The following PTK2 variants were observed in gnomAD, a reference collection of about 807,000 sequenced individuals.
PTK2 encodes focal adhesion kinase 1.
In PTK2, 45 loss-of-function variants were observed where a neutral mutation model predicts 150.1. The observed-to-expected ratio is 0.30, with a 90% CI of 0.24 to 0.38. PTK2 has a LOEUF of 0.38. PTK2 is among the 10% of genes least tolerant of loss of function. PTK2 has a pLI of 1.00. For synonymous variants in PTK2, 432 were observed against 449.2 expected, an observed-to-expected ratio of 0.96 and a Z score of 0.48; for missense variants, 919 against 1,307.3, an observed-to-expected ratio of 0.70 and a Z score of 4.58.
At chr8:140,763,162 C>T (rs554146054) in intron 15 of PTK2, among the ~76,000 whole-genome samples, 73 of 152,304 alleles carry the variant, frequency 4.8e-4, no homozygotes, top group African/African-American at 1.6e-3. Context: ...TGGCCTCTTT[C>T]GAGTAACTCT....
At chr8:140,902,872 T>G (rs2100159081) in intron 2 of PTK2, among the ~76,000 whole-genome samples, 1 of 145,064 alleles carries the variant, frequency 6.9e-6, no homozygotes, top group Non-Finnish European at 1.5e-5. Context: ...ATAGACAGAT[T>G]ACAAAAATTT....
intron 27 of PTK2, among the ~76,000 whole-genome samples, chr8:140,676,407 TTAATTA>T (rs372262728): frequency 0.12 from 4,949 of 41,536 alleles, 262 homozygotes; most frequent in African/African-American, 0.31. Context: ...AATTAATTAA[TTAATTA>T]ATATATATAT....
intron 13 of PTK2, among the ~76,000 whole-genome samples, chr8:140,790,939 G>A (rs185460619): frequency 6.6e-6 from 1 of 152,180 alleles, no homozygotes; most frequent in Non-Finnish European, 1.5e-5. Flanking sequence ...GTTTTCCCTT[G>A]TCTGCGCCAC....
chr8:140,802,974 G>C (rs983068378), intron 11 of PTK2, among the ~76,000 whole-genome samples: 1 of 139,880 alleles, frequency 7.1e-6, no homozygotes, highest in African/African-American at 2.6e-5. Flanking sequence ...ATAATTCCAA[G>C]AAGTTAATTT....
chr8:140,682,288 A>G (rs1448374565), intron 27 of PTK2, among the ~76,000 whole-genome samples: 2 of 152,180 alleles, frequency 1.3e-5, no homozygotes, highest in African/African-American at 4.8e-5. Flanking sequence ...AGGCTGAGGC[A>G]CAAGAATCGC....
chr8:140,848,678 T>G (rs1293914717), intron 5 of PTK2, among the ~76,000 whole-genome samples: 1 of 152,204 alleles, frequency 6.6e-6, no homozygotes, highest in East Asian at 1.9e-4. Context: ...GAAGCTCTTG[T>G]TTCTACAAAA....
chr8:140,866,020 T>G (rs2100139051), intron 4 of PTK2, among the ~76,000 whole-genome samples: 1 of 152,134 alleles, frequency 6.6e-6, no homozygotes, highest in Non-Finnish European at 1.5e-5. Flanking sequence ...CCTGAGTCAG[T>G]TCAACAAATC....
At chr8:140,659,663 T>C (rs1194653703) in exon 32 of PTK2, 1 of 1,613,914 alleles carries the variant, frequency 6.2e-7, no homozygotes, top group Non-Finnish European at 8.5e-7. Flanking sequence ...TTCAATAGCT[T>C]CTGTGCCATC....
chr8:140,721,872 T>G (rs559432059), intron 22 of PTK2: 4 of 152,372 alleles, frequency 2.6e-5, no homozygotes, highest in Admixed American at 6.5e-5. Context: ...ACTCTCCTTA[T>G]TCTCTTCCAA....
At chr8:140,898,416 A>G (rs2154607634) in intron 2 of PTK2, among the ~76,000 whole-genome samples, 1 of 152,330 alleles carries the variant, frequency 6.6e-6, no homozygotes, top group African/African-American at 2.4e-5. Context: ...TGTGGACTGG[A>G]ATGGGAGAGA....
intron 1 of PTK2, among the ~76,000 whole-genome samples, chr8:140,959,961 G>A (rs1219403269): frequency 6.6e-6 from 1 of 151,210 alleles, no homozygotes; most frequent in Non-Finnish European, 1.5e-5. Context: ...AGGCTGCAAT[G>A]AGCCTGGTCA....
chr8:140,671,983 T>C (rs538098460), intron 29 of PTK2, among the ~76,000 whole-genome samples: 68 of 151,960 alleles, frequency 4.5e-4, no homozygotes, highest in African/African-American at 1.6e-3. Context: ...GTACACATAT[T>C]ATTTTCAAGA....
intron 26 of PTK2, among the ~76,000 whole-genome samples, chr8:140,699,533 T>A (rs2100028940): frequency 6.6e-6 from 1 of 152,326 alleles, no homozygotes; most frequent in East Asian, 1.9e-4. Context: ...ACATTTCCCA[T>A]GCATATGTCC....
intron 2 of PTK2, among the ~76,000 whole-genome samples, chr8:140,916,260 G>A (rs1054090634): frequency 5.3e-5 from 8 of 152,242 alleles, no homozygotes; most frequent in South Asian, 2.1e-4. Context: ...AGGATAGATC[G>A]GCAAACTGTG....
At chr8:140,962,840 T>C (rs773469909) in intron 1 of PTK2, among the ~76,000 whole-genome samples, 7 of 151,100 alleles carry the variant, frequency 4.6e-5, no homozygotes, top group East Asian at 1.9e-4. Context: ...TCCTCACTCA[T>C]GGCAATCCTA....
intron 6 of PTK2, 69 bp downstream of exon 6, chr8:140,846,530 C>T (rs2100125575): frequency 7.5e-7 from 1 of 1,326,606 alleles, no homozygotes; most frequent in Non-Finnish European, 1.1e-6. Context: ...AAGGAAAATA[C>T]CTGGAAAATA....
chr8:140,881,591 T>C (rs1177456167), intron 3 of PTK2, among the ~76,000 whole-genome samples: 1 of 152,252 alleles, frequency 6.6e-6, no homozygotes, highest in Non-Finnish European at 1.5e-5. Context: ...CAGTGGTCTC[T>C]AGCCATCTGC....
chr8:140,672,033 C>A, intron 29 of PTK2: 1 of 378,366 alleles, frequency 2.6e-6, no homozygotes, highest in Non-Finnish European at 5.2e-6. Context: ...TGTATGTATT[C>A]ATTATGTTAT....
intron 26 of PTK2, among the ~76,000 whole-genome samples, chr8:140,692,317 C>A (rs1171095939): frequency 6.6e-6 from 1 of 152,080 alleles, no homozygotes; most frequent in Non-Finnish European, 1.5e-5. Context: ...GACAGCCAAT[C>A]AGAAAGAATA....
Sources: allele counts gnomAD v4.1 joint callset (sites outside exome capture counted in the v4.1 genomes callset), GRCh38; gene constraint gnomAD v4.1.1; transcripts MANE v1.5; gene names NCBI Gene and HGNC (gene_info 2026-07-23, HGNC 2026-07-21).